The following PDE1C variants were observed in gnomAD, a reference collection of about 807,000 sequenced individuals.
PDE1C encodes phosphodiesterase 1C, also known as dual specificity calcium/calmodulin-dependent 3',5'-cyclic nucleotide phosphodiesterase 1C.
PDE1C carries 62 observed loss-of-function variants against 93.1 expected under a neutral mutation model. That is an observed-to-expected ratio of 0.67 (90% confidence interval 0.54 to 0.82). The LOEUF (loss-of-function observed/expected upper bound fraction) is 0.82, where lower values mean the gene tolerates loss of function less well. Ranked by LOEUF, PDE1C falls within the 40% of genes least tolerant of loss-of-function variation. The probability of loss-of-function intolerance (pLI) is 0.00; values close to 1 mark genes in which losing one functional copy is unlikely to be tolerated. For missense variants in PDE1C, 742 were observed against 884.6 expected, an observed-to-expected ratio of 0.84 and a Z score of 2.04; for synonymous variants, 325 against 310.1, an observed-to-expected ratio of 1.05 and a Z score of -0.50.
the PDE1C span, chr7:31,695,458 G>A: frequency 6.3e-7 from 1 of 1,590,464 alleles, no homozygotes; most frequent in South Asian, 1.2e-5. Flanking sequence ...TTTGTATCCT[G>A]TCAAAATTAG....
intron 3 of PDE1C, among the ~76,000 whole-genome samples, chr7:32,141,077 G>C (rs560046242): frequency 1.3e-5 from 2 of 152,316 alleles, no homozygotes; most frequent in African/African-American, 4.8e-5. Flanking sequence ...GCATTTAAGT[G>C]GGGAAGCAAA....
intron 3 of PDE1C, among the ~76,000 whole-genome samples, chr7:32,134,063 G>C (rs1441898770): frequency 6.6e-6 from 1 of 151,810 alleles, no homozygotes; most frequent in Non-Finnish European, 1.5e-5. Flanking sequence ...GGAAAGATTT[G>C]GTGAATTTGA....
intron 1 of PDE1C, among the ~76,000 whole-genome samples, chr7:32,346,658 T>C (rs1299430974): frequency 6.6e-6 from 1 of 152,266 alleles, no homozygotes; most frequent in Non-Finnish European, 1.5e-5. Context: ...ATGACAATGT[T>C]TTCCTGCTTT....
intron 1 of PDE1C, among the ~76,000 whole-genome samples, chr7:32,314,417 T>C (rs955000323): frequency 1.3e-5 from 2 of 152,166 alleles, no homozygotes; most frequent in African/African-American, 4.8e-5. Context: ...GATGAGGATT[T>C]GGGGAACATG....
intron 3 of PDE1C, among the ~76,000 whole-genome samples, chr7:32,120,269 T>C (rs577308310): frequency 6.6e-6 from 1 of 152,254 alleles, no homozygotes; most frequent in Admixed American, 6.5e-5. Context: ...GGGGGAAGGG[T>C]GGCCGCAGTC....
At chr7:31,702,772 C>T in the PDE1C span, among the ~76,000 whole-genome samples, 1 of 152,210 alleles carries the variant, frequency 6.6e-6, no homozygotes, top group Non-Finnish European at 1.5e-5. Context: ...ATCATTTCTA[C>T]ATAGCAATAC....
At chr7:31,703,162 G>A in the PDE1C span, among the ~76,000 whole-genome samples, 1 of 152,160 alleles carries the variant, frequency 6.6e-6, no homozygotes, top group Non-Finnish European at 1.5e-5. Context: ...CAGAGCTCTT[G>A]GCTATCAAAA....
At chr7:32,052,188 A>T in intron 1 of PDE1C, 2 of 412,092 alleles carry the variant, frequency 4.9e-6, no homozygotes, top group Non-Finnish European at 4.9e-6. Flanking sequence ...ACAATGAGAA[A>T]GTCTAGAAGC....
chr7:31,895,935 C>G (rs906968690), intron 2 of PDE1C, among the ~76,000 whole-genome samples: 49 of 151,916 alleles, frequency 3.2e-4, no homozygotes, highest in African/African-American at 1.1e-3. Context: ...TTATAAATTA[C>G]CCAGTGTCAG....
At chr7:31,928,817 C>T (rs1183269273) in intron 2 of PDE1C, among the ~76,000 whole-genome samples, 1 of 152,126 alleles carries the variant, frequency 6.6e-6, no homozygotes, top group Non-Finnish European at 1.5e-5. Flanking sequence ...CTGGTACCAG[C>T]CACTGCAAAA....
At chr7:32,396,948 G>A (rs1289530904) in intron 1 of PDE1C, among the ~76,000 whole-genome samples, 1 of 152,056 alleles carries the variant, frequency 6.6e-6, no homozygotes, top group African/African-American at 2.4e-5. Context: ...GATTGATTTA[G>A]ATGCATATCT....
At chr7:31,654,981 G>A in the PDE1C span, among the ~76,000 whole-genome samples, 11 of 152,050 alleles carry the variant, frequency 7.2e-5, no homozygotes, top group African/African-American at 2.4e-4. Context: ...CATTCTCAGA[G>A]CGTGGACATC....
chr7:31,840,782 T>C (rs1791761828), intron 9 of PDE1C, among the ~76,000 whole-genome samples: 1 of 152,178 alleles, frequency 6.6e-6, no homozygotes, highest in South Asian at 2.1e-4. Flanking sequence ...CGTATGTCCA[T>C]CTTTCACCAG....
rs1286445517 is a variant in PDE1C at position 32,420,118 on chromosome 7, TATATATACACACACACACACACACACAC to T, written c.310+7676_310+7703del. 4.4e-3 allele frequency among the ~76,000 whole-genome samples: 107 copies of T among 24,144 alleles called. 3 individuals carry two copies. Among genetic ancestry groups the T allele is most frequent in the African/African-American group, 0.012 (97 of 8,364 alleles). The allele number at this position is 24,144 out of a possible 152,430, so 15.8% of individuals were successfully genotyped here. On this transcript the variant is annotated intron_variant, in intron 1 of 1. Transcript: ENST00000672256. Reference sequence around the variant, plus strand: ...ATATATATATATATATATATATATATATATATACACACACACACACACACACACACACACACACACATATATATGTGTA... The same window carrying T: ...ATATATATATATATATATATATATATACACACACACACATATATATGTGTA...
At chr7:32,038,000 T>C (rs1311409181) in intron 2 of PDE1C, among the ~76,000 whole-genome samples, 1 of 152,144 alleles carries the variant, frequency 6.6e-6, no homozygotes, top group East Asian at 1.9e-4. Flanking sequence ...GCAAACCACA[T>C]GGACTGACTT....
At chr7:31,625,085 A>C in the PDE1C span, among the ~76,000 whole-genome samples, 2 of 152,314 alleles carry the variant, frequency 1.3e-5, no homozygotes, top group African/African-American at 4.8e-5. Context: ...ATCATCTCAC[A>C]CCAGTTAGAA....
chr7:32,269,333 C>T (rs1810810281), intron 1 of PDE1C, among the ~76,000 whole-genome samples: 1 of 152,232 alleles, frequency 6.6e-6, no homozygotes, highest in African/African-American at 2.4e-5. Context: ...GTAGCAAAAC[C>T]TTGGCTAAAA....
intron 15 of PDE1C, among the ~76,000 whole-genome samples, chr7:31,810,930 A>G (rs552191477): frequency 1.3e-5 from 2 of 152,228 alleles, no homozygotes; most frequent in East Asian, 1.9e-4. Context: ...CATACTTGCA[A>G]TGGAATTTGA....
At chr7:32,234,857 T>C (rs1807958106) in intron 1 of PDE1C, among the ~76,000 whole-genome samples, 1 of 151,996 alleles carries the variant, frequency 6.6e-6, no homozygotes, top group Non-Finnish European at 1.5e-5. Flanking sequence ...TGTACATAGA[T>C]GTAAATACCT....
Sources: allele counts gnomAD v4.1 joint callset (sites outside exome capture counted in the v4.1 genomes callset), GRCh38; gene constraint gnomAD v4.1.1; transcripts MANE v1.5; gene names NCBI Gene and HGNC (gene_info 2026-07-23, HGNC 2026-07-21).